Variants in JAZF1 observed in about 807,000 individuals in gnomAD.
JAZF1 encodes the protein juxtaposed with another zinc finger protein 1.
A neutral mutation model predicts 26.4 loss-of-function variants in JAZF1; 8 were observed. The observed-to-expected ratio is 0.30, with a 90% CI of 0.18 to 0.55. The LOEUF (loss-of-function observed/expected upper bound fraction) is 0.55, where lower values mean the gene tolerates loss of function less well. JAZF1 is among the 20% of genes least tolerant of loss of function. JAZF1 has a pLI of 0.94. For synonymous variants in JAZF1, 126 were observed against 122.3 expected, an observed-to-expected ratio of 1.03 and a Z score of -0.20; for missense variants, 199 against 322.0, an observed-to-expected ratio of 0.62 and a Z score of 2.92.
At chr7:28,029,075 C>T (rs1283660106) in intron 1 of JAZF1, among the ~76,000 whole-genome samples, 1 of 152,080 alleles carries the variant, frequency 6.6e-6, no homozygotes, top group East Asian at 1.9e-4. Flanking sequence ...TATCCACATT[C>T]CTGACATCTT....
chr7:28,132,106 T>C (rs1782804285), intron 1 of JAZF1, among the ~76,000 whole-genome samples: 2 of 152,216 alleles, frequency 1.3e-5, no homozygotes, highest in Non-Finnish European at 2.9e-5. Flanking sequence ...ATTTTCCTAC[T>C]ATAACTGATG....
At chr7:27,901,378 A>C (rs1448135779) in intron 2 of JAZF1, among the ~76,000 whole-genome samples, 1 of 152,198 alleles carries the variant, frequency 6.6e-6, no homozygotes, top group Non-Finnish European at 1.5e-5. Context: ...CTCAACGTGG[A>C]AACATGAATA....
At chr7:28,103,907 C>T (rs1276878678) in intron 1 of JAZF1, among the ~76,000 whole-genome samples, 1 of 152,202 alleles carries the variant, frequency 6.6e-6, no homozygotes, top group Non-Finnish European at 1.5e-5. Flanking sequence ...CTCCTCTTCT[C>T]AAGGGCCACT....
chr7:28,092,290 CAAAAAAAAAAAAAAAAA>C (rs749913273), intron 1 of JAZF1, among the ~76,000 whole-genome samples: 41 of 12,800 alleles, frequency 3.2e-3, no homozygotes, highest in African/African-American at 4.7e-3. Flanking sequence ...GGACAAAAGG[CAAAAAAAAAAAAAAAAA>C]AAAAAAAAAA....
intron 1 of JAZF1, among the ~76,000 whole-genome samples, chr7:28,139,882 C>A (rs191925786): frequency 1.3e-5 from 2 of 152,070 alleles, no homozygotes; most frequent in Non-Finnish European, 2.9e-5. Context: ...GGTAACAGCC[C>A]TATGGACAAA....
chr7:27,994,328 T>C (rs111796363), intron 1 of JAZF1, among the ~76,000 whole-genome samples: 8 of 152,314 alleles, frequency 5.3e-5, no homozygotes, highest in African/African-American at 1.9e-4. Flanking sequence ...TTTTGTTTTC[T>C]TAATTTGCTT....
chr7:27,916,804 C>T (rs569679492), intron 2 of JAZF1, among the ~76,000 whole-genome samples: 2 of 152,338 alleles, frequency 1.3e-5, no homozygotes, highest in South Asian at 2.1e-4. Flanking sequence ...CAGCTGGGAA[C>T]GTGTGCACTG....
chr7:28,035,175 G>C (rs1783264291), intron 1 of JAZF1, among the ~76,000 whole-genome samples: 1 of 151,628 alleles, frequency 6.6e-6, no homozygotes. Context: ...AAATTAGCCT[G>C]CCGTGGTGGT....
intron 2 of JAZF1, among the ~76,000 whole-genome samples, chr7:27,975,088 T>C (rs1785446434): frequency 6.6e-6 from 1 of 152,038 alleles, no homozygotes. Flanking sequence ...GGTTTCACCA[T>C]GTTAGCCAGG....
chr7:28,057,606 GACCCATC>G (rs952225588), intron 1 of JAZF1, among the ~76,000 whole-genome samples: 2 of 152,114 alleles, frequency 1.3e-5, no homozygotes, highest in African/African-American at 4.8e-5. Flanking sequence ...GAATCTTCAT[GACCCATC>G]ACCCAACTTA....
chr7:28,037,171 G>T (rs1323250008), intron 1 of JAZF1, among the ~76,000 whole-genome samples: 3 of 152,134 alleles, frequency 2.0e-5, no homozygotes, highest in African/African-American at 7.2e-5. Flanking sequence ...AGCAAGACTA[G>T]ATGTACTCAA....
intron 3 of JAZF1, among the ~76,000 whole-genome samples, chr7:27,847,151 CTTTTTT>C (rs80005826): frequency 2.2e-5 from 3 of 136,332 alleles, no homozygotes; most frequent in Non-Finnish European, 3.2e-5. Context: ...GGCTTTTTTT[CTTTTTT>C]TTTTTTTTTT....
intron 3 of JAZF1, among the ~76,000 whole-genome samples, chr7:27,856,274 C>G (rs1770901215): frequency 6.6e-6 from 1 of 152,166 alleles, no homozygotes; most frequent in South Asian, 2.1e-4. Flanking sequence ...GGCGGCACAT[C>G]TGCAATTGTT....
intron 1 of JAZF1, among the ~76,000 whole-genome samples, chr7:28,163,195 T>G (rs1056976576): frequency 6.6e-6 from 1 of 152,196 alleles, no homozygotes; most frequent in Non-Finnish European, 1.5e-5. Context: ...ATTCCTCAGT[T>G]TGCACATGGA....
chr7:27,974,503 G>T (rs1202318059), intron 2 of JAZF1, among the ~76,000 whole-genome samples: 2 of 152,170 alleles, frequency 1.3e-5, no homozygotes, highest in Non-Finnish European at 2.9e-5. Flanking sequence ...AGTTTAGCAA[G>T]GTTTTGACCT....
At chr7:28,133,888 A>T (rs1261259187) in intron 1 of JAZF1, among the ~76,000 whole-genome samples, 4 of 152,040 alleles carry the variant, frequency 2.6e-5, no homozygotes, top group Admixed American at 2.6e-4. Flanking sequence ...ACCCTAACCA[A>T]TGTTGTCCCA....
chr7:28,156,153 C>G (rs1048679911), intron 1 of JAZF1, among the ~76,000 whole-genome samples: 1 of 152,226 alleles, frequency 6.6e-6, no homozygotes, highest in Non-Finnish European at 1.5e-5. Context: ...GTGGAACCAT[C>G]GATCCTTAAC....
intron 3 of JAZF1, among the ~76,000 whole-genome samples, chr7:27,858,747 TTAAACA>T: frequency 6.6e-6 from 1 of 152,296 alleles, no homozygotes; most frequent in African/African-American, 2.4e-5. Flanking sequence ...GATTAAAGAC[TTAAACA>T]TAAAACATAA....
At chr7:27,990,325 C>G (rs1785874897) in intron 2 of JAZF1, among the ~76,000 whole-genome samples, 1 of 152,008 alleles carries the variant, frequency 6.6e-6, no homozygotes, top group South Asian at 2.1e-4. Context: ...AGGAGATACA[C>G]CTAATGTAAA....
Sources: allele counts gnomAD v4.1 joint callset (sites outside exome capture counted in the v4.1 genomes callset), GRCh38; gene constraint gnomAD v4.1.1; transcripts MANE v1.5; gene names NCBI Gene and HGNC (gene_info 2026-07-23, HGNC 2026-07-21).